GRM8: variants seen among roughly 807,000 people sequenced by gnomAD.
GRM8 encodes the protein glutamate metabotropic receptor 8, also known as metabotropic glutamate receptor 8.
A neutral mutation model predicts 87.2 loss-of-function variants in GRM8; 47 were observed. That is an observed-to-expected ratio of 0.54 (90% CI 0.43 to 0.69). The LOEUF (loss-of-function observed/expected upper bound fraction) is 0.69, where lower values mean the gene tolerates loss of function less well. GRM8 is among the 30% of genes least tolerant of loss of function. GRM8 has a pLI of 0.00. For synonymous variants in GRM8, 396 were observed against 404.5 expected (o/e 0.98, Z 0.25); for missense variants, 1,019 against 1,139.2 (o/e 0.89, Z 1.52).
intron 6 of GRM8, among the ~76,000 whole-genome samples, chr7:126,901,497 C>A (rs1224425861): frequency 5.9e-5 from 9 of 152,178 alleles, no homozygotes; most frequent in Admixed American, 5.2e-4. Flanking sequence ...TGGAAAAGTG[C>A]CTGGCACATG....
intron 2 of GRM8, among the ~76,000 whole-genome samples, chr7:127,204,044 C>A (rs1795769387): frequency 6.6e-6 from 1 of 152,158 alleles, no homozygotes; most frequent in African/African-American, 2.4e-5. Flanking sequence ...ATTATAGAAT[C>A]TAACTGTGGA....
At chr7:126,998,317 G>GA (rs1813377394) in intron 3 of GRM8, among the ~76,000 whole-genome samples, 1 of 151,770 alleles carries the variant, frequency 6.6e-6, no homozygotes, top group African/African-American at 2.4e-5. Context: ...TACAGAATGG[G>GA]AAAAAACTGA....
chr7:127,195,894 T>C (rs1000683858), intron 2 of GRM8, among the ~76,000 whole-genome samples: 2 of 152,154 alleles, frequency 1.3e-5, no homozygotes, highest in Non-Finnish European at 2.9e-5. Context: ...TACATCTTTG[T>C]CTTCCCCGAC....
At chr7:127,055,212 T>G (rs192204525) in intron 3 of GRM8, among the ~76,000 whole-genome samples, 2 of 51,832 alleles carry the variant, frequency 3.9e-5, no homozygotes, top group Non-Finnish European at 8.5e-5. Context: ...TTTTTTTAAA[T>G]GATGTTTTTC....
rs76651306 is a variant in GRM8, at chr7:127,112,921, T to A, written c.511-6209A>T. ...CTAATCAAAGGTCAACATCATAGAT[T>A]ATTTAATCATTTACCCCTTCTTTCT... On this transcript the variant is annotated intron_variant, in intron 2 of 10. Transcript: ENST00000339582. 5.1e-4 allele frequency among the ~76,000 whole-genome samples: 77 copies of A among 152,326 alleles called. No individual in the cohort carries two copies. The East Asian group carries it at 0.014, about 28-fold the overall frequency.
At chr7:126,953,979 C>T (rs1228284689) in intron 3 of GRM8, among the ~76,000 whole-genome samples, 1 of 152,112 alleles carries the variant, frequency 6.6e-6, no homozygotes, top group African/African-American at 2.4e-5. Flanking sequence ...ATTTAATATA[C>T]ACTATTATAT....
In GRM8 at chr7:126,739,668, G is replaced by A. The variant is rs905132411; in HGVS notation, c.1357+30197C>T. On this transcript the variant is annotated intron_variant, in intron 7 of 10. Transcript: ENST00000339582. The stretch of plus-strand genomic sequence containing the variant: ...GTGGTGATCCTCCCACAACCCCTTT[G>A]TATAATTATTTTCAGTTATTACTAA... Among the ~76,000 whole-genome samples, 3 of 151,816 alleles carry A rather than the reference G, an allele frequency of 2.0e-5. No homozygotes were observed. In the East Asian group the frequency reaches 5.8e-4, roughly 29 times the overall value.
chr7:127,140,545 C>T lies in GRM8; in HGVS notation c.511-33833G>A, dbSNP rs556674376. ...TCTGTCTAACTTCAAGTGCTCTGCC[C>T]TTCTCATTCTGGTGCTGTTACCTGT... On this transcript the variant is annotated intron_variant, in intron 2 of 10. Coordinates refer to ENST00000339582, the MANE Select transcript of GRM8 (RefSeq NM_000845.3). Among the ~76,000 whole-genome samples, 46 of 152,276 alleles carry T rather than the reference C, an allele frequency of 3.0e-4. 1 individual carries two copies. The highest frequency in any genetic ancestry group is 1.1e-3 in the African/African-American group (46 of 41,532).
intron 3 of GRM8, among the ~76,000 whole-genome samples, chr7:126,965,721 A>C (rs2131722369): frequency 1.3e-5 from 2 of 152,136 alleles, no homozygotes; most frequent in South Asian, 2.1e-4. Context: ...AAATTCAGTA[A>C]AGTTCAGTAT....
intron 6 of GRM8, among the ~76,000 whole-genome samples, chr7:126,857,200 A>G (rs1448423483): frequency 6.6e-6 from 1 of 152,202 alleles, no homozygotes; most frequent in African/African-American, 2.4e-5. Context: ...ACAACTAGAC[A>G]GGAGGGTATC....
chr7:126,480,730 A>G (rs1466075799), intron 9 of GRM8, among the ~76,000 whole-genome samples: 2 of 152,102 alleles, frequency 1.3e-5, no homozygotes, highest in Non-Finnish European at 2.9e-5. Context: ...GTATATATAT[A>G]AAAATAGATG....
At chr7:126,463,103 T>C (rs1426437742) in intron 9 of GRM8, among the ~76,000 whole-genome samples, 2 of 150,640 alleles carry the variant, frequency 1.3e-5, no homozygotes, top group Non-Finnish European at 3.0e-5. Context: ...ACAGAATTAA[T>C]GTGTGTGCAC....
chr7:126,693,713 T>C (rs1809062800), intron 7 of GRM8, among the ~76,000 whole-genome samples: 1 of 152,160 alleles, frequency 6.6e-6, no homozygotes, highest in South Asian at 2.1e-4. Context: ...TTTTGCCGAA[T>C]TATTTTCTAG....
intron 7 of GRM8, among the ~76,000 whole-genome samples, chr7:126,699,829 A>G (rs1397255458): frequency 1.3e-5 from 2 of 152,176 alleles, no homozygotes; most frequent in Admixed American, 6.5e-5. Context: ...GCATCTCTCC[A>G]GTTGCAATGC....
At chr7:126,520,233 A>G (rs1329947101) in intron 9 of GRM8, among the ~76,000 whole-genome samples, 2 of 152,098 alleles carry the variant, frequency 1.3e-5, no homozygotes, top group African/African-American at 4.8e-5. Context: ...TAAACTTCTA[A>G]AAAGAAGGTT....
Position 126,610,881 on chromosome 7 carries a change from G to A in GRM8, c.1358-1383C>T, listed in dbSNP as rs189011432. Among the ~76,000 whole-genome samples, 5 of 152,270 alleles carry A rather than the reference G, an allele frequency of 3.3e-5. No individual in the cohort carries two copies. The East Asian group carries it at 9.7e-4, about 29-fold the overall frequency. ...ATCTGGTATCATCAGGAACTGCTGAGGCTGCAAGAGATGGCACCGCATGGA... is the reference window on the plus strand; with the variant it reads ...ATCTGGTATCATCAGGAACTGCTGAAGCTGCAAGAGATGGCACCGCATGGA... On this transcript the variant is annotated intron_variant, in intron 7 of 10. Coordinates refer to ENST00000339582, the MANE Select transcript of GRM8 (RefSeq NM_000845.3).
chr7:126,638,100 GGT>G (rs919077178), intron 7 of GRM8, among the ~76,000 whole-genome samples: 5 of 151,868 alleles, frequency 3.3e-5, no homozygotes, highest in African/African-American at 1.2e-4. Flanking sequence ...CTGTAACATG[GGT>G]GTGATATGAT....
At chr7:126,491,184 T>C (rs1255363817) in intron 9 of GRM8, among the ~76,000 whole-genome samples, 8 of 152,064 alleles carry the variant, frequency 5.3e-5, no homozygotes, top group Admixed American at 5.2e-4. Flanking sequence ...TAAGCACTGT[T>C]CTACAACCGT....
At chr7:127,058,013 T>A in intron 3 of GRM8, 1 of 321,490 alleles carries the variant, frequency 3.1e-6, no homozygotes. Context: ...TTCTAAAATC[T>A]CAAGCTTTTA....
Sources: gnomAD v4.1 joint callset for allele counts (sites outside exome capture counted in the v4.1 genomes callset) on GRCh38, gnomAD v4.1.1 for gene constraint, MANE v1.5 for transcripts, NCBI Gene and HGNC (gene_info 2026-07-23, HGNC 2026-07-21) for gene names.